FOXJ3: variants seen among roughly 807,000 people sequenced by gnomAD.
FOXJ3 encodes the protein forkhead box protein J3.
A neutral mutation model predicts 76.1 loss-of-function variants in FOXJ3; 22 were observed. The observed-to-expected ratio is 0.29, with a 90% confidence interval of 0.21 to 0.41. FOXJ3 has a LOEUF of 0.41. Among genes scored for constraint, FOXJ3 ranks in the 10% least tolerant of loss-of-function variants. The pLI is 1.00. For missense variants in FOXJ3, 613 were observed against 762.1 expected, an observed-to-expected ratio of 0.80 and a Z score of 2.30; for synonymous variants, 269 against 261.2, an observed-to-expected ratio of 1.03 and a Z score of -0.29.
chr1:42,280,059 T>C (rs972903369), intron 2 of FOXJ3, among the ~76,000 whole-genome samples: 1 of 152,084 alleles, frequency 6.6e-6, no homozygotes, highest in Non-Finnish European at 1.5e-5. Flanking sequence ...AGATGTTAAT[T>C]ACCTCTACCT....
intron 5 of FOXJ3, among the ~76,000 whole-genome samples, chr1:42,211,971 T>C (rs1285616248): frequency 1.3e-5 from 2 of 152,166 alleles, no homozygotes; most frequent in Non-Finnish European, 2.9e-5. Flanking sequence ...CAATTAGAAG[T>C]GTCTGGGCAC....
At chr1:42,266,082 T>C (rs1455662034) in intron 3 of FOXJ3, among the ~76,000 whole-genome samples, 1 of 152,176 alleles carries the variant, frequency 6.6e-6, no homozygotes, top group East Asian at 1.9e-4. Flanking sequence ...CAACTGCATT[T>C]AGCCATTACT....
intron 5 of FOXJ3, among the ~76,000 whole-genome samples, chr1:42,225,053 G>C (rs1445032392): frequency 1.3e-5 from 2 of 151,654 alleles, no homozygotes; most frequent in Non-Finnish European, 2.9e-5. Flanking sequence ...TCTAGCCTGG[G>C]TGACAGAGTG....
intron 5 of FOXJ3, among the ~76,000 whole-genome samples, chr1:42,206,181 A>G (rs935998017): frequency 4.6e-5 from 7 of 152,166 alleles, no homozygotes; most frequent in African/African-American, 1.7e-4. Flanking sequence ...CCCTTTCAGT[A>G]ATAGATATTT....
chr1:42,285,116 ATTTTTATT>A (rs986068231), intron 2 of FOXJ3, among the ~76,000 whole-genome samples: 3 of 151,818 alleles, frequency 2.0e-5, no homozygotes, highest in African/African-American at 7.3e-5. Flanking sequence ...TTTTCCTTCA[ATTTTTATT>A]ATAAGTTCAG....
intron 5 of FOXJ3, among the ~76,000 whole-genome samples, chr1:42,210,768 G>C (rs954377258): frequency 1.3e-5 from 2 of 152,064 alleles, no homozygotes; most frequent in Non-Finnish European, 2.9e-5. Context: ...GCTGGTGCTG[G>C]TACCCGCTGC....
At chr1:42,266,380 A>C (rs897222861) in intron 3 of FOXJ3, among the ~76,000 whole-genome samples, 3 of 152,092 alleles carry the variant, frequency 2.0e-5, no homozygotes, top group African/African-American at 7.2e-5. Context: ...AACAAAAAAA[A>C]CCTATTTTTA....
At chr1:42,265,402 G>C (rs1334837660) in intron 3 of FOXJ3, among the ~76,000 whole-genome samples, 2 of 152,028 alleles carry the variant, frequency 1.3e-5, no homozygotes, top group Non-Finnish European at 2.9e-5. Flanking sequence ...ATTTCTAGAG[G>C]ATTTCATAAA....
At chr1:42,213,291 A>G (rs756443016) in intron 5 of FOXJ3, among the ~76,000 whole-genome samples, 3 of 152,144 alleles carry the variant, frequency 2.0e-5, no homozygotes, top group Non-Finnish European at 2.9e-5. Context: ...GGCTGAATGG[A>G]TTTAAAAAAA....
intron 3 of FOXJ3, among the ~76,000 whole-genome samples, chr1:42,274,889 G>A (rs893709888): frequency 2.0e-5 from 3 of 151,840 alleles, no homozygotes; most frequent in East Asian, 1.9e-4. Context: ...AAGGCGGCGG[G>A]GGGGCAAAAG....
intron 6 of FOXJ3, among the ~76,000 whole-genome samples, chr1:42,202,104 CCTTT>C (rs918339097): frequency 6.5e-4 from 99 of 152,146 alleles, no homozygotes; most frequent in African/African-American, 2.3e-3. Context: ...TTTAATAGCA[CCTTT>C]CTGTTTTTTC....
rs1419081955 is a variant in FOXJ3 at position 42,265,142 on chromosome 1, C to T, written c.417G>A (p.Val139=). The change falls in exon 4 of 13, where the codon GTG becomes GTA. Residue 139 remains valine, a synonymous_variant. Transcript: ENST00000361346. ...NLSLNKCFLK[V]PRSKDDPGKG... Reference sequence around the variant, plus strand: ...TTCCAGGGTCATCCTTAGATCGAGGCACTTTAAGGAAACATTTGTTCAATG... The same window carrying T: ...TTCCAGGGTCATCCTTAGATCGAGGTACTTTAAGGAAACATTTGTTCAATG... 4 of 1,600,624 alleles carry T rather than the reference C, an allele frequency of 2.5e-6. No homozygotes were observed. The highest frequency in any genetic ancestry group is 2.7e-5 in the African/African-American group (2 of 74,470).
chr1:42,226,815 T>A (rs1226076409), intron 5 of FOXJ3, among the ~76,000 whole-genome samples: 1 of 152,210 alleles, frequency 6.6e-6, no homozygotes, highest in East Asian at 1.9e-4. Flanking sequence ...CTGTACCTCA[T>A]GAACTCATGT....
intron 4 of FOXJ3, among the ~76,000 whole-genome samples, chr1:42,254,938 C>A (rs1252393663): frequency 6.7e-6 from 1 of 149,298 alleles, no homozygotes; most frequent in East Asian, 2.0e-4. Context: ...ACATTGTGCA[C>A]ATGTACCCTA....
chr1:42,325,462 T>C (rs527464241), intron 1 of FOXJ3, among the ~76,000 whole-genome samples: 5 of 152,186 alleles, frequency 3.3e-5, no homozygotes, highest in Non-Finnish European at 7.3e-5. Flanking sequence ...CTAAAAGCTG[T>C]AGTCTTTGCT....
intron 1 of FOXJ3, among the ~76,000 whole-genome samples, chr1:42,324,740 G>T (rs1243607274): frequency 6.6e-6 from 1 of 152,106 alleles, no homozygotes; most frequent in Non-Finnish European, 1.5e-5. Flanking sequence ...CACAGAAAAG[G>T]TACAGTAAAA....
At chr1:42,265,885 G>C (rs1189846203) in intron 3 of FOXJ3, among the ~76,000 whole-genome samples, 1 of 152,128 alleles carries the variant, frequency 6.6e-6, no homozygotes, top group Non-Finnish European at 1.5e-5. Flanking sequence ...GTGGGTAGCA[G>C]GAAAATGCCC....
intron 5 of FOXJ3, among the ~76,000 whole-genome samples, chr1:42,217,514 CAAG>C (rs1647095542): frequency 2.0e-5 from 3 of 151,054 alleles, no homozygotes. Flanking sequence ...GGCGACAGGG[CAAG>C]ACTCCGCCTC....
intron 4 of FOXJ3, among the ~76,000 whole-genome samples, chr1:42,249,676 G>A (rs946786743): frequency 6.6e-6 from 1 of 152,166 alleles, no homozygotes; most frequent in Admixed American, 6.5e-5. Context: ...ACATTTATTA[G>A]GCATCTACTG....
Sources: allele counts gnomAD v4.1 joint callset (sites outside exome capture counted in the v4.1 genomes callset), GRCh38; gene constraint gnomAD v4.1.1; transcripts MANE v1.5; gene names NCBI Gene and HGNC (gene_info 2026-07-23, HGNC 2026-07-21).